The following REELD1 variants were observed in gnomAD, a reference collection of about 807,000 sequenced individuals.
REELD1 encodes the protein reelin domain-containing protein 1.
In REELD1, 12 loss-of-function variants were observed where a neutral mutation model predicts 6.3. The observed-to-expected ratio is 1.89, with a 90% CI of 1.21 to 3.07. The LOEUF (loss-of-function observed/expected upper bound fraction) is 3.07. Ranked by LOEUF, REELD1 falls within the 30% of genes most tolerant of loss-of-function variation. The pLI, the probability that REELD1 is intolerant of heterozygous loss-of-function variation, is 0.00. For synonymous variants in REELD1, 57 were observed against 33.6 expected (o/e 1.70, Z -2.42); for missense variants, 163 against 86.8 (o/e 1.88, Z -3.49).
chr4:146,222,001 A>AT (rs1284493210), intron 3 of REELD1, among the ~76,000 whole-genome samples: 1 of 151,792 alleles, frequency 6.6e-6, no homozygotes, highest in African/African-American at 2.4e-5. Flanking sequence ...TTGGAAAATA[A>AT]TTTTTTTTAA....
chr4:146,229,022 T>A lies in REELD1; in HGVS notation c.909-3T>A, dbSNP rs547758951. ...TTTTCAGCCCTTCCATTCTTCCCTT[T>A]AGAACTCAGGATGATCCCAGCTTTG... On this transcript the variant is annotated splice_region_variant and splice_polypyrimidine_tract_variant and intron_variant, in intron 6 of 7. Coordinates refer to ENST00000623665, the MANE Select transcript of REELD1 (RefSeq NM_001354631.1). 3.1e-5 allele frequency: 22 copies of A among 702,464 alleles called. No homozygotes were observed. Among genetic ancestry groups the A allele is most frequent in the South Asian group, 3.0e-4 (20 of 67,566 alleles). 43.5% of individuals were successfully genotyped at this position (702,464 alleles called of 1,614,324 possible).
chr4:146,227,946 T>C (rs965071295), intron 5 of REELD1, among the ~76,000 whole-genome samples: 1 of 152,160 alleles, frequency 6.6e-6, no homozygotes, highest in African/African-American at 2.4e-5. Context: ...CTGTGTTCCC[T>C]GAATGGTGGC....
At chr4:146,216,148 C>T in intron 2 of REELD1, among the ~76,000 whole-genome samples, 1 of 152,182 alleles carries the variant, frequency 6.6e-6, no homozygotes, top group Non-Finnish European at 1.5e-5. Context: ...TTATTTTTGT[C>T]ATCTTCTTTT....
chr4:146,225,257 G>C (rs973057026), intron 5 of REELD1, among the ~76,000 whole-genome samples: 3 of 152,170 alleles, frequency 2.0e-5, no homozygotes, highest in African/African-American at 7.2e-5. Flanking sequence ...GAAAATCCCT[G>C]GTGGTATGGA....
rs1347794890 is a variant in REELD1, at chr4:146,224,566, A to G, written c.553A>G (p.Asn185Asp). ...CATGGAGCCCAGATTGCTGATGCCA[A>G]ACCTTCACCAGAGGCTGGGCGATGT... ...DRMEPRLLMP[N>D]LHQRLGDVEG... is the part of the protein sequence containing the mutation. Residue 185 changes from asparagine (N) to aspartate (D), a missense_variant, in exon 5 of 8, where the codon AAC becomes GAC. Asn to Asp is a conservative substitution (Grantham distance 23). Coordinates refer to ENST00000623665, the MANE Select transcript of REELD1 (RefSeq NM_001354631.1). The G allele has an allele frequency of 4.3e-6, 3 of 702,122 alleles. No individual in the cohort carries two copies. The highest frequency in any genetic ancestry group is 1.5e-5 in the South Asian group (1 of 67,550). The allele number at this position is 702,122 out of a possible 1,614,324, so 43.5% of individuals were successfully genotyped here.
Position 146,218,013 on chromosome 4 carries a change from G to A in REELD1, c.208+853G>A, listed in dbSNP as rs531961153. Among the ~76,000 whole-genome samples, 33 of 152,324 alleles carry A rather than the reference G, an allele frequency of 2.2e-4. No homozygotes were observed. The South Asian group carries it at 6.4e-3, about 30-fold the overall frequency. ...GTGCCTATAAAAGCAGGGAAAGAAC[G>A]TGAGCGCAGGTGGTTTATGTGAGAG... is the stretch of plus-strand genomic sequence containing the variant. On this transcript the variant is annotated intron_variant, in intron 3 of 7. Coordinates refer to ENST00000623665, the MANE Select transcript of REELD1 (RefSeq NM_001354631.1).
chr4:146,228,123 G>C (rs914610820), intron 5 of REELD1, 87 bp from the exon 6 acceptor site: 3 of 643,688 alleles, frequency 4.7e-6, no homozygotes, highest in Middle Eastern at 3.9e-4. Context: ...AGTCACTGCT[G>C]TTTACCCCTG....
Position 146,231,696 on chromosome 4 carries a change from T to G in REELD1, c.*1183T>G, listed in dbSNP as rs1409127264. Among the ~76,000 whole-genome samples, 1 of 152,224 alleles carries G rather than the reference T, an allele frequency of 6.6e-6. No individual in the cohort carries two copies. Among genetic ancestry groups the G allele is most frequent in the Non-Finnish European group, 1.5e-5 (1 of 68,044 alleles). On this transcript the variant is annotated 3_prime_UTR_variant, in exon 8 of 8. Coordinates refer to ENST00000623665, the MANE Select transcript of REELD1 (RefSeq NM_001354631.1). ...AAGTAGTTTGCGTATATCTTCACAT[T>G]TAACTCTCACAAAAATTTAATGAGG...
In REELD1 at chr4:146,221,656, C is replaced by T. The variant is rs571968213; in HGVS notation, c.209-701C>T. 8.5e-5 allele frequency among the ~76,000 whole-genome samples: 13 copies of T among 152,208 alleles called. No homozygotes were observed. The South Asian group carries it at 1.2e-3, about 15-fold the overall frequency. On this transcript the variant is annotated intron_variant, in intron 3 of 7. Coordinates refer to ENST00000623665, the MANE Select transcript of REELD1 (RefSeq NM_001354631.1). ...AGGGCGGATCACAAGGTCAAGAGATCGAGACCACCCTGGCCAACATGATGA... is the reference window on the plus strand; with the variant it reads ...AGGGCGGATCACAAGGTCAAGAGATTGAGACCACCCTGGCCAACATGATGA...
chr4:146,230,900 CT>C lies in REELD1; in HGVS notation c.*390del, dbSNP rs1432550651. On this transcript the variant is annotated 3_prime_UTR_variant, in exon 8 of 8. Coordinates refer to ENST00000623665, the MANE Select transcript of REELD1 (RefSeq NM_001354631.1). ...CCTTAGTGTCTCATCTCTTCTAACT[CT>C]TTGGGGAAAAAAAGTAATGTTGGGT... 6.4e-6 allele frequency: 1 copy of C among 156,340 alleles called. No homozygotes were observed. The highest frequency in any genetic ancestry group is 1.4e-5 in the Non-Finnish European group (1 of 70,920). 9.7% of individuals were successfully genotyped at this position (156,340 alleles called of 1,614,324 possible).
chr4:146,219,926 TTTTGTTTTTTTG>T lies in REELD1; in HGVS notation c.209-2407_209-2396del, dbSNP rs371954317. Among the ~76,000 whole-genome samples the T allele has an allele frequency of 4.6e-3, 697 of 152,160 alleles. 2 individuals carry two copies. Among genetic ancestry groups the T allele is most frequent in the Non-Finnish European group, 4.9e-3 (335 of 67,986 alleles). ...CTGATATATTTTATTGGATACAGAA[TTTTGTTTTTTTG>T]TTTGTTTTTTTGTTTGTTTTTTTAA... On this transcript the variant is annotated intron_variant, in intron 3 of 7. Coordinates refer to ENST00000623665, the MANE Select transcript of REELD1 (RefSeq NM_001354631.1).
intron 3 of REELD1, among the ~76,000 whole-genome samples, chr4:146,220,523 T>C (rs1730905369): frequency 6.6e-6 from 1 of 152,208 alleles, no homozygotes; most frequent in South Asian, 2.1e-4. Flanking sequence ...GGTGAAGCCA[T>C]TCAATGACAT....
At chr4:146,224,422 C>A (rs17021257) in intron 4 of REELD1, 23 bp from the exon 5 acceptor site, 35,853 of 599,922 alleles carry the variant, frequency 0.06, 1,493 homozygotes, top group South Asian at 0.13. Flanking sequence ...CCGTGAACTG[C>A]TCTGCTCTTT....
chr4:146,222,531 C>G lies in REELD1; in HGVS notation c.383C>G (p.Ser128Ter), dbSNP rs1431795361. 7.5e-6 allele frequency: 3 copies of G among 398,506 alleles called. No individual in the cohort carries two copies. Among genetic ancestry groups the G allele is most frequent in the Non-Finnish European group, 1.3e-5 (3 of 226,092 alleles). The allele number at this position is 398,506 out of a possible 1,614,324, so 24.7% of individuals were successfully genotyped here. A position where few individuals can be genotyped will look rare whatever the true frequency, so the allele number is the denominator to read the frequency against. The change falls in exon 4 of 8, where the codon TCA (serine) becomes TGA (stop). Residue 128 changes from serine (S) to a stop codon, truncating the protein, a stop_gained. Coordinates refer to ENST00000623665, the MANE Select transcript of REELD1 (RefSeq NM_001354631.1). LOFTEE classifies it high-confidence loss of function. ...HSDKSLKRNL[S>*]FVWKAPAQPV... is the part of the protein sequence containing the mutation. Reference sequence around the variant, plus strand: ...GACAAGTCCCTGAAGAGAAACCTGTCATTCGTGTGGAAGGCCCCAGCCCAG... The same window carrying G: ...GACAAGTCCCTGAAGAGAAACCTGTGATTCGTGTGGAAGGCCCCAGCCCAG...
At chr4:146,228,589 G>A in intron 6 of REELD1, 67 bp downstream of exon 6, 1 of 622,660 alleles carries the variant, frequency 1.6e-6, no homozygotes, top group Non-Finnish European at 2.9e-6. Flanking sequence ...AGTGCATCAT[G>A]TGGAGTCTGA....
intron 4 of REELD1, among the ~76,000 whole-genome samples, chr4:146,222,954 C>T (rs1472185207): frequency 6.6e-6 from 1 of 152,100 alleles, no homozygotes; most frequent in Non-Finnish European, 1.5e-5. Flanking sequence ...TGGACACGTC[C>T]CTGGGCCCAG....
At chr4:146,226,328 A>AT (rs2110923747) in intron 5 of REELD1, among the ~76,000 whole-genome samples, 1 of 152,292 alleles carries the variant, frequency 6.6e-6, no homozygotes, top group Admixed American at 6.5e-5. Flanking sequence ...CACAGTTCAA[A>AT]TATCTCCTTT....
intron 4 of REELD1, among the ~76,000 whole-genome samples, chr4:146,223,369 C>T (rs78137691): frequency 0.025 from 3,746 of 152,240 alleles, 166 homozygotes; most frequent in African/African-American, 0.086. Flanking sequence ...TCCCCCACCT[C>T]CTGGTGGCAC....
chr4:146,227,823 G>T lies in REELD1; in HGVS notation c.596-387G>T, dbSNP rs139328305. Among the ~76,000 whole-genome samples, 4 of 152,266 alleles carry T rather than the reference G, an allele frequency of 2.6e-5. No homozygotes were observed. In the East Asian group the frequency reaches 7.7e-4, roughly 29 times the overall value. On this transcript the variant is annotated intron_variant, in intron 5 of 7. Transcript: ENST00000623665. Reference sequence around the variant, plus strand: ...AAGAAACTTTGAGTGTTAATATTAGGGCAAGAAAGATCTAGGGCTTTGAAA... The same window carrying T: ...AAGAAACTTTGAGTGTTAATATTAGTGCAAGAAAGATCTAGGGCTTTGAAA...
Sources: allele counts gnomAD v4.1 joint callset (sites outside exome capture counted in the v4.1 genomes callset), GRCh38; gene constraint gnomAD v4.1.1; transcripts MANE v1.5; gene names NCBI Gene and HGNC (gene_info 2026-07-23, HGNC 2026-07-21).